The following ELF1 variants were observed in gnomAD, a reference collection of about 807,000 sequenced individuals.
ELF1 encodes E74 like ETS transcription factor 1.
A neutral mutation model predicts 59.9 loss-of-function variants in ELF1; 24 were observed. The observed-to-expected ratio is 0.40, with a 90% confidence interval of 0.29 to 0.56. The LOEUF (loss-of-function observed/expected upper bound fraction) is 0.56. Ranked by LOEUF, ELF1 falls within the 20% of genes least tolerant of loss-of-function variation. The pLI, the probability that ELF1 is intolerant of heterozygous loss-of-function variation, is 0.44. For missense variants in ELF1, 627 were observed against 742.2 expected, an observed-to-expected ratio of 0.84 and a Z score of 1.80; for synonymous variants, 248 against 266.2, an observed-to-expected ratio of 0.93 and a Z score of 0.67.
intron 1 of ELF1, among the ~76,000 whole-genome samples, chr13:41,036,344 C>T (rs936742396): frequency 1.3e-5 from 2 of 152,174 alleles, no homozygotes; most frequent in African/African-American, 4.8e-5. Flanking sequence ...ACAATTAATA[C>T]TTTCTTTGAA....
At chr13:40,990,987 CTGA>C (rs1288548910) in intron 1 of ELF1, among the ~76,000 whole-genome samples, 2 of 152,004 alleles carry the variant, frequency 1.3e-5, no homozygotes, top group African/African-American at 4.8e-5. Flanking sequence ...AAGAAGAGTC[CTGA>C]TGATGGCATA....
At chr13:41,058,773 G>A (rs1877379321) in intron 1 of ELF1, among the ~76,000 whole-genome samples, 1 of 152,224 alleles carries the variant, frequency 6.6e-6, no homozygotes, top group Admixed American at 6.5e-5. Context: ...AGGGGTTCGA[G>A]ACCAGCCTGG....
chr13:41,029,477 G>A (rs937030552), intron 1 of ELF1, among the ~76,000 whole-genome samples: 4 of 152,050 alleles, frequency 2.6e-5, no homozygotes, highest in African/African-American at 9.7e-5. Context: ...AACCTCCCAG[G>A]CTCAGGTGAT....
At chr13:40,951,582 A>C in intron 3 of ELF1, 146 bp from the exon 4 acceptor site, 1 of 499,624 alleles carries the variant, frequency 2.0e-6, no homozygotes, top group Non-Finnish European at 3.2e-6. Context: ...ACAAAATCAT[A>C]CCAAACCTGG....
chr13:40,957,547 C>T lies in ELF1; in HGVS notation c.253+1289G>A, dbSNP rs1042353491. Among the ~76,000 whole-genome samples, 5 of 151,952 alleles carry T rather than the reference C, an allele frequency of 3.3e-5. No individual in the cohort carries two copies. In the East Asian group the frequency reaches 7.7e-4, roughly 23 times the overall value. On this transcript the variant is annotated intron_variant, in intron 3 of 8. Transcript: ENST00000239882. ...AGAAAAAAAAGAAAGTGTGTAGCACCCCCTACCACCCTGCCTTCTGTTCCT... is the reference window on the plus strand; with the variant it reads ...AGAAAAAAAAGAAAGTGTGTAGCACTCCCTACCACCCTGCCTTCTGTTCCT...
At chr13:40,944,021 C>T (rs1157049955) in intron 5 of ELF1, 96 bp from the exon 6 acceptor site, 2 of 1,197,048 alleles carry the variant, frequency 1.7e-6, no homozygotes, top group Non-Finnish European at 2.4e-6. Flanking sequence ...ATTTCAAGTG[C>T]CAAATGTTTT....
chr13:40,937,492 CAG>C (rs1447769676), intron 8 of ELF1, among the ~76,000 whole-genome samples: 2 of 152,188 alleles, frequency 1.3e-5, no homozygotes, highest in South Asian at 2.1e-4. Flanking sequence ...TTTTTTGAGA[CAG>C]AGTCTCACCC....
chr13:41,006,428 G>A, intron 1 of ELF1, among the ~76,000 whole-genome samples: 1 of 152,098 alleles, frequency 6.6e-6, no homozygotes, highest in East Asian at 1.9e-4. Flanking sequence ...GATGCTTAGT[G>A]AAATAACCCT....
chr13:40,958,730 A>G, intron 3 of ELF1, 106 bp downstream of exon 3: 1 of 1,413,406 alleles, frequency 7.1e-7, no homozygotes, highest in African/African-American at 1.4e-5. Flanking sequence ...AAGGTAATAC[A>G]GTTTAAAACC....
At chr13:40,940,386 GAAAAAAAAAAAAAAA>G (rs375400990) in intron 8 of ELF1, among the ~76,000 whole-genome samples, 84 of 109,884 alleles carry the variant, frequency 7.6e-4, no homozygotes, top group African/African-American at 3.2e-3. Context: ...TGATTTAACT[GAAAAAAAAAAAAAAA>G]AAAAAAAAAA....
chr13:40,969,670 T>C (rs1338141443), intron 2 of ELF1, among the ~76,000 whole-genome samples: 1 of 152,180 alleles, frequency 6.6e-6, no homozygotes, highest in Non-Finnish European at 1.5e-5. Flanking sequence ...AAAACTGAAT[T>C]AGGAAACTCT....
At chr13:41,003,581 A>AT (rs1344492081) in intron 1 of ELF1, among the ~76,000 whole-genome samples, 3 of 152,218 alleles carry the variant, frequency 2.0e-5, no homozygotes, top group Non-Finnish European at 4.4e-5. Context: ...GACGACTGCA[A>AT]TTTATAACCC....
At chr13:40,976,174 G>A (rs1046738770) in intron 2 of ELF1, among the ~76,000 whole-genome samples, 1 of 152,130 alleles carries the variant, frequency 6.6e-6, no homozygotes, top group African/African-American at 2.4e-5. Context: ...CAAACAGTGG[G>A]GAAGCAGGAA....
intron 1 of ELF1, among the ~76,000 whole-genome samples, chr13:41,028,544 C>T (rs1593402899): frequency 6.6e-6 from 1 of 152,296 alleles, no homozygotes; most frequent in East Asian, 1.9e-4. Flanking sequence ...CCAGCTATAA[C>T]CACCTGACCA....
intron 1 of ELF1, among the ~76,000 whole-genome samples, chr13:40,991,677 A>C (rs901958015): frequency 4.2e-4 from 64 of 152,292 alleles, no homozygotes; most frequent in African/African-American, 1.5e-3. Flanking sequence ...TCAATCTCTT[A>C]TATCTTAGTC....
In ELF1 at chr13:40,993,227, A is replaced by C. The variant is rs1873956819; in HGVS notation, c.-228-10945T>G. 15 of 1,572,036 alleles carry C rather than the reference A, an allele frequency of 9.5e-6. No individual in the cohort carries two copies. In the Admixed American group the frequency reaches 1.8e-4, roughly 19 times the overall value. On this transcript the variant is annotated intron_variant, in intron 1 of 8. Coordinates refer to ENST00000239882, the MANE Select transcript of ELF1 (RefSeq NM_172373.4). ...CTAACAGTGAGGCAGGAGCAGCTGC[A>C]ACAACAGCACCAACAAAAGCAACAG... is the stretch of plus-strand genomic sequence containing the variant.
Position 40,951,300 on chromosome 13 carries a change from C to T in ELF1, c.361+29G>A, listed in dbSNP as rs182268658. On this transcript the variant is annotated intron_variant, in intron 4 of 8. Coordinates refer to ENST00000239882, the MANE Select transcript of ELF1 (RefSeq NM_172373.4). ...ATGGCAAGAGTAACTTAACAAAGTA[C>T]ATAAACATAAACAATCATAATCACT... 292 of 1,536,966 alleles carry T rather than the reference C, an allele frequency of 1.9e-4. No homozygotes were observed. In the African/African-American group the frequency reaches 3.7e-3, roughly 19 times the overall value.
chr13:40,959,845 T>C (rs9594466), intron 2 of ELF1, among the ~76,000 whole-genome samples: 30,449 of 152,128 alleles, frequency 0.2, 3,406 homozygotes, highest in African/African-American at 0.29. Flanking sequence ...GCTACCTCAT[T>C]TTATAGATGA....
intron 1 of ELF1, among the ~76,000 whole-genome samples, chr13:41,024,732 A>C (rs538639882): frequency 9.1e-4 from 138 of 152,264 alleles, no homozygotes; most frequent in African/African-American, 3.3e-3. Flanking sequence ...TGCTCTTCAC[A>C]CAGCAGCCAC....
Sources: allele counts gnomAD v4.1 joint callset (sites outside exome capture counted in the v4.1 genomes callset), GRCh38; gene constraint gnomAD v4.1.1; transcripts MANE v1.5; gene names NCBI Gene and HGNC (gene_info 2026-07-23, HGNC 2026-07-21).